CYFIP1: variants seen among roughly 807,000 people sequenced by gnomAD.
The protein encoded by CYFIP1 is cytoplasmic FMR1 interacting protein 1.
CYFIP1 carries 58 observed loss-of-function variants against 163.5 expected under a neutral mutation model. The observed-to-expected ratio is 0.35, with a 90% CI of 0.29 to 0.44. CYFIP1 has a LOEUF of 0.44. CYFIP1 is among the 20% of genes least tolerant of loss of function. The pLI is 1.00. For missense variants in CYFIP1, 1,338 were observed against 1,653.8 expected (o/e 0.81, Z 3.31); for synonymous variants, 663 against 660.7 (o/e 1.00, Z -0.05).
At chr15:22,967,516 A>G (rs1290008764) in intron 1 of CYFIP1, among the ~76,000 whole-genome samples, 1 of 150,892 alleles carries the variant, frequency 6.6e-6, no homozygotes, top group Non-Finnish European at 1.5e-5. Flanking sequence ...GTGGGAAGAC[A>G]TGTGCCGGCC....
intron 6 of CYFIP1, 50 bp from the exon 7 acceptor site, chr15:22,939,557 T>TAAAAA (rs56068008): frequency 2.2e-4 from 62 of 286,562 alleles, no homozygotes; most frequent in Middle Eastern, 1.2e-3. Context: ...GTGCCACATT[T>TAAAAA]AAAAAAAAAA....
In CYFIP1 at chr15:22,867,543, G is replaced by GTT. The variant is rs1328666640; in HGVS notation, c.*2483_*2484dup. 4.3e-6 allele frequency: 1 copy of GTT among 230,170 alleles called. No individual in the cohort carries two copies. Among genetic ancestry groups the GTT allele is most frequent in the African/African-American group, 2.2e-5 (1 of 44,526 alleles). 14.3% of individuals were successfully genotyped at this position (230,170 alleles called of 1,614,324 possible). A position where few individuals can be genotyped will look rare whatever the true frequency, so the allele number is the denominator to read the frequency against. On this transcript the variant is annotated 3_prime_UTR_variant, in exon 31 of 31. Transcript: ENST00000617928. ...GCAGCCTGGCTGGGTTTATTCTTCA[G>GTT]TTACCCTAATCCCATGATGCCTGGA...
intron 29 of CYFIP1, 56 bp downstream of exon 29, chr15:22,873,435 C>T: frequency 3.5e-6 from 5 of 1,434,324 alleles, no homozygotes; most frequent in Non-Finnish European, 4.9e-6. Flanking sequence ...CGCCTCCCCT[C>T]CCCCACAGCT....
chr15:22,870,231 T>G, intron 30 of CYFIP1, 39 bp from the exon 31 acceptor site: 4 of 1,553,760 alleles, frequency 2.6e-6, no homozygotes, highest in Non-Finnish European at 3.5e-6. Context: ...CTATTAACAC[T>G]TCAACATTTA....
At chr15:22,976,157 AT>A in intron 1 of CYFIP1, among the ~76,000 whole-genome samples, 1 of 150,050 alleles carries the variant, frequency 6.7e-6, no homozygotes, top group Non-Finnish European at 1.5e-5. Context: ...TTTAAATTTA[AT>A]TTTCTTTTTT....
In CYFIP1 at chr15:22,874,538, G is replaced by A. The variant is rs374802807; in HGVS notation, c.3210+12C>T. On this transcript the variant is annotated intron_variant, in intron 28 of 30. Coordinates refer to ENST00000617928, the MANE Select transcript of CYFIP1 (RefSeq NM_014608.6). ...AGCTTGCAACAGCCACAGCCATCAC[G>A]GTACACGTTACCTGAGGGGTCCCCA... The A allele has an allele frequency of 1.0e-5, 16 of 1,579,582 alleles. No individual in the cohort carries two copies. The highest frequency in any genetic ancestry group is 8.2e-5 in the African/African-American group (6 of 72,914).
At chr15:22,951,713 C>T (rs983050141) in intron 1 of CYFIP1, among the ~76,000 whole-genome samples, 2 of 152,242 alleles carry the variant, frequency 1.3e-5, no homozygotes, top group African/African-American at 4.8e-5. Flanking sequence ...CAGCCCCTGA[C>T]CCCGCGCAGC....
rs1286140119 is a variant in CYFIP1, at chr15:22,870,104, C to T, written c.3686G>A (p.Gly1229Asp). ...ITILDKYLKS[G>D]DGEGTPVEHV... Reference sequence around the variant, plus strand: ...CTCCACTGGCGTGCCCTCCCCGTCGCCTGACTTCAGGTACTTATCCAGGAT... The same window carrying T: ...CTCCACTGGCGTGCCCTCCCCGTCGTCTGACTTCAGGTACTTATCCAGGAT... Residue 1229 changes from glycine to aspartate, a missense_variant, in exon 31 of 31, where the codon GGC becomes GAC. Transcript: ENST00000617928. 3.1e-6 allele frequency: 5 copies of T among 1,612,972 alleles called. No homozygotes were observed. The highest frequency in any genetic ancestry group is 1.3e-5 in the African/African-American group (1 of 74,830).
chr15:22,963,560 A>ACATAACATAACATAACAT (rs199915541), intron 1 of CYFIP1, among the ~76,000 whole-genome samples: 6 of 118,730 alleles, frequency 5.1e-5, no homozygotes, highest in Non-Finnish European at 9.7e-5. Flanking sequence ...ATAACATAAG[A>ACATAACATAACATAACAT]AAGAATGAAA....
At chr15:22,904,198 T>C (rs1595558984) in intron 21 of CYFIP1, 2 of 480,202 alleles carry the variant, frequency 4.2e-6, no homozygotes, top group Non-Finnish European at 3.8e-6. Context: ...CTGCCACCCT[T>C]CCCCCCATGT....
chr15:22,916,607 T>C lies in CYFIP1; in HGVS notation c.1698A>G (p.Leu566=), dbSNP rs938094536. The C allele has an allele frequency of 3.1e-6, 5 of 1,614,102 alleles. No individual in the cohort carries two copies. The highest frequency in any genetic ancestry group is 2.7e-5 in the African/African-American group (2 of 75,044). Residue 566 remains leucine (L), a synonymous_variant, in exon 16 of 31, where the codon CTA becomes CTG. Coordinates refer to ENST00000617928, the MANE Select transcript of CYFIP1 (RefSeq NM_014608.6). ...CACTTTTGTCTGCAATGAGGGACTC[T>C]AGCATGGTTCTCACCATGTAAAGCT... ...STQLYMVRTM[L]ESLIADKSGS...
At chr15:22,962,780 T>C (rs2062731888) in intron 1 of CYFIP1, among the ~76,000 whole-genome samples, 1 of 152,184 alleles carries the variant, frequency 6.6e-6, no homozygotes, top group South Asian at 2.1e-4. Context: ...TATAGTCACC[T>C]GACCTATTCA....
chr15:22,972,399 T>G (rs2063131831), intron 1 of CYFIP1, among the ~76,000 whole-genome samples: 1 of 152,126 alleles, frequency 6.6e-6, no homozygotes, highest in African/African-American at 2.4e-5. Flanking sequence ...ATTGCGCCAT[T>G]GCACTCCAGC....
At chr15:22,978,907 T>G (rs575743840) in intron 1 of CYFIP1, among the ~76,000 whole-genome samples, 29 of 152,188 alleles carry the variant, frequency 1.9e-4, no homozygotes, top group African/African-American at 6.7e-4. Context: ...CCTTCCTGAG[T>G]ATCCTGACTG....
At chr15:22,945,039 T>C in intron 3 of CYFIP1, 100 bp from the exon 4 acceptor site, 1 of 1,101,646 alleles carries the variant, frequency 9.1e-7, no homozygotes, top group Non-Finnish European at 1.4e-6. Context: ...CAAACTATCC[T>C]AAGCACTGTG....
At chr15:22,952,226 C>T (rs1038365835) in intron 1 of CYFIP1, among the ~76,000 whole-genome samples, 2 of 152,146 alleles carry the variant, frequency 1.3e-5, no homozygotes, top group Non-Finnish European at 2.9e-5. Context: ...ACAGGGGCTG[C>T]GTGCTGGGCT....
At chr15:22,926,870 G>C (rs552775653) in intron 12 of CYFIP1, among the ~76,000 whole-genome samples, 1 of 152,110 alleles carries the variant, frequency 6.6e-6, no homozygotes, top group Admixed American at 6.6e-5. Flanking sequence ...GGAAGAACTC[G>C]AATTTTTCTG....
intron 22 of CYFIP1, among the ~76,000 whole-genome samples, chr15:22,901,021 A>T (rs1190632056): frequency 6.6e-6 from 1 of 151,562 alleles, no homozygotes; most frequent in Admixed American, 6.6e-5. Flanking sequence ...TGGCCAACAT[A>T]GTGAAACCCT....
chr15:22,941,819 AC>A (rs1228080127), intron 6 of CYFIP1, among the ~76,000 whole-genome samples: 1 of 152,100 alleles, frequency 6.6e-6, no homozygotes, highest in Admixed American at 6.5e-5. Context: ...GAAAAAAAAA[AC>A]AACAACACAC....
Sources: gnomAD v4.1 joint callset for allele counts (sites outside exome capture counted in the v4.1 genomes callset) on GRCh38, gnomAD v4.1.1 for gene constraint, MANE v1.5 for transcripts, NCBI Gene and HGNC (gene_info 2026-07-23, HGNC 2026-07-21) for gene names.